FAM204A: variants seen among roughly 807,000 people sequenced by gnomAD.
The protein encoded by FAM204A is protein FAM204A.
Under a neutral mutation model 35.4 loss-of-function variants are expected in FAM204A, and 16 were observed. The ratio of observed to expected loss-of-function variants is 0.45; its 90% confidence interval spans 0.31 to 0.69. FAM204A has a LOEUF of 0.69. Ranked by LOEUF, FAM204A falls within the 30% of genes least tolerant of loss-of-function variation. The pLI, the probability that FAM204A is intolerant of heterozygous loss-of-function variation, is 0.07. For synonymous variants in FAM204A, 76 were observed against 86.9 expected (o/e 0.88, Z 0.70); for missense variants, 240 against 265.7 (o/e 0.90, Z 0.67).
In FAM204A at chr10:118,301,632, G is replaced by A. The variant is rs1002612233; in HGVS notation, c.*9225C>T. Reference sequence around the variant, plus strand: ...GTACTTAGTGCCTTGCTTCCAAGACGTGTAGAAATGCAAGAATTGTCCAGA... The same window carrying A: ...GTACTTAGTGCCTTGCTTCCAAGACATGTAGAAATGCAAGAATTGTCCAGA... On this transcript the variant is annotated 3_prime_UTR_variant, in exon 9 of 9. Transcript: ENST00000369183. 9 of 152,154 alleles carry A rather than the reference G, an allele frequency of 5.9e-5. No individual in the cohort carries two copies. Among genetic ancestry groups the A allele is most frequent in the African/African-American group, 1.4e-4 (6 of 41,432 alleles). The allele number at this position is 152,154 out of a possible 1,614,324, so 9.4% of individuals were successfully genotyped here.
chr10:118,320,934 C>T (rs1846106073), intron 7 of FAM204A, among the ~76,000 whole-genome samples: 1 of 150,784 alleles, frequency 6.6e-6, no homozygotes, highest in South Asian at 2.1e-4. Context: ...GTTTTCAAGG[C>T]CTATTCTCAG....
intron 7 of FAM204A, among the ~76,000 whole-genome samples, chr10:118,323,480 T>C (rs1014516608): frequency 6.6e-6 from 1 of 152,148 alleles, no homozygotes; most frequent in African/African-American, 2.4e-5. Context: ...GTTCTGTTTC[T>C]GATCCAAATG....
At chr10:118,324,378 T>C (rs1377232257) in intron 7 of FAM204A, among the ~76,000 whole-genome samples, 3 of 152,180 alleles carry the variant, frequency 2.0e-5, no homozygotes, top group Non-Finnish European at 4.4e-5. Flanking sequence ...CCAATATTCA[T>C]AGCAGCATTA....
At chr10:118,323,468 A>G (rs1846151107) in intron 7 of FAM204A, among the ~76,000 whole-genome samples, 1 of 152,118 alleles carries the variant, frequency 6.6e-6, no homozygotes, top group African/African-American at 2.4e-5. Context: ...GTTATCTAGA[A>G]GGTTCTGTTT....
At chr10:118,339,803 C>CG (rs2133297002) in intron 2 of FAM204A, among the ~76,000 whole-genome samples, 1 of 152,060 alleles carries the variant, frequency 6.6e-6, no homozygotes, top group African/African-American at 2.4e-5. Context: ...CAATTATCCT[C>CG]AAGACATTCT....
chr10:118,331,802 C>A (rs1846292678), intron 6 of FAM204A, among the ~76,000 whole-genome samples: 1 of 150,068 alleles, frequency 6.7e-6, no homozygotes, highest in Admixed American at 6.7e-5. Context: ...TACTTTCATA[C>A]ATAAATGTAA....
intron 7 of FAM204A, among the ~76,000 whole-genome samples, chr10:118,325,811 T>C (rs1334127816): frequency 6.6e-6 from 1 of 152,168 alleles, no homozygotes; most frequent in African/African-American, 2.4e-5. Flanking sequence ...GAATACACAG[T>C]TGCCCTCAGA....
In FAM204A at chr10:118,305,523, G is replaced by A. The variant is rs538127722; in HGVS notation, c.*5334C>T. 3.2e-4 allele frequency: 48 copies of A among 152,320 alleles called. No individual in the cohort carries two copies. The highest frequency in any genetic ancestry group is 2.9e-3 in the Admixed American group (44 of 15,304). 9.4% of individuals were successfully genotyped at this position (152,320 alleles called of 1,614,324 possible). A position where few individuals can be genotyped will look rare whatever the true frequency, so the allele number is the denominator to read the frequency against. The stretch of plus-strand genomic sequence containing the variant: ...TCAGTCACTAAGCTGATAAGCCACT[G>A]TAGCTGACTGCCTAGCTAGGAAATT... On this transcript the variant is annotated 3_prime_UTR_variant, in exon 9 of 9. Transcript: ENST00000369183.
At chr10:118,339,879 T>C (rs1251974770) in intron 2 of FAM204A, among the ~76,000 whole-genome samples, 1 of 152,200 alleles carries the variant, frequency 6.6e-6, no homozygotes, top group African/African-American at 2.4e-5. Context: ...CTGAAAATAT[T>C]TATATACTGT....
Position 118,317,248 on chromosome 10 carries a change from C to G in FAM204A, c.544-5935G>C, listed in dbSNP as rs41308665. ...AGCTTCAACTACCACCAATTAAGAG[C>G]TAATTACAAACAAATTATATATGTG... On this transcript the variant is annotated intron_variant, in intron 7 of 8. Transcript: ENST00000369183. Among the ~76,000 whole-genome samples, 511 of 152,074 alleles carry G rather than the reference C, an allele frequency of 3.4e-3. 2 individuals carry two copies. The highest frequency in any genetic ancestry group is 5.1e-3 in the Non-Finnish European group (345 of 67,934).
chr10:118,334,381 C>T (rs1846345526), intron 6 of FAM204A, among the ~76,000 whole-genome samples: 1 of 152,176 alleles, frequency 6.6e-6, no homozygotes, highest in South Asian at 2.1e-4. Flanking sequence ...CAAGTATCAT[C>T]AATTTTACTT....
In FAM204A at chr10:118,307,369, C is replaced by T. The variant is rs1373333666; in HGVS notation, c.*3488G>A. On this transcript the variant is annotated 3_prime_UTR_variant, in exon 9 of 9. Transcript: ENST00000369183. ...TGTAAATTTTAAGCCAATGAATAAA[C>T]AGTTGGCAGGAAAAAATATTGAACT... The T allele has an allele frequency of 1.3e-5, 2 of 152,200 alleles. No homozygotes were observed. Among genetic ancestry groups the T allele is most frequent in the African/African-American group, 2.4e-5 (1 of 41,450 alleles). The allele number at this position is 152,200 out of a possible 1,614,324, so 9.4% of individuals were successfully genotyped here. A position where few individuals can be genotyped will look rare whatever the true frequency, so the allele number is the denominator to read the frequency against.
Position 118,307,530 on chromosome 10 carries a change from G to A in FAM204A, c.*3327C>T, listed in dbSNP as rs573540647. 3.3e-5 allele frequency: 5 copies of A among 152,204 alleles called. No individual in the cohort carries two copies. Among genetic ancestry groups the A allele is most frequent in the Middle Eastern group, 3.4e-3 (1 of 294 alleles). The allele number at this position is 152,204 out of a possible 1,614,324, so 9.4% of individuals were successfully genotyped here. ...TCAAAATGAGATCTGACATAACATC[G>A]GCTTGCCTCCTCAAACTTTATCATC... is the stretch of plus-strand genomic sequence containing the variant. On this transcript the variant is annotated 3_prime_UTR_variant, in exon 9 of 9. Transcript: ENST00000369183.
chr10:118,312,851 G>C (rs1018404201), intron 7 of FAM204A, among the ~76,000 whole-genome samples: 2 of 152,178 alleles, frequency 1.3e-5, no homozygotes, highest in African/African-American at 4.8e-5. Flanking sequence ...ACTGTTCTAG[G>C]TGCTGGAGGT....
At position 118,336,320 on chromosome 10, in the gene FAM204A, T is replaced by C. The variant is rs559456091; in HGVS notation, c.96A>G (p.Leu32=). The C allele has an allele frequency of 2.5e-6, 4 of 1,614,038 alleles. No individual in the cohort carries two copies. Among genetic ancestry groups the C allele is most frequent in the African/African-American group, 2.7e-5 (2 of 75,054 alleles). The change falls in exon 3 of 9, where the codon TTA becomes TTG. Residue 32 remains leucine (L), a synonymous_variant. Transcript: ENST00000369183. ...EATLENSGLN[L]QEDKEDESIR... is the part of the protein sequence containing the mutation. ...TGCTCTCATCCTCTTTATCTTCCTGTAAGTTAAGTCCAGAGTTCTCCAACG... is the reference window on the plus strand; with the variant it reads ...TGCTCTCATCCTCTTTATCTTCCTGCAAGTTAAGTCCAGAGTTCTCCAACG...
chr10:118,337,506 A>G (rs992811873), intron 2 of FAM204A, among the ~76,000 whole-genome samples: 1 of 152,174 alleles, frequency 6.6e-6, no homozygotes, highest in Non-Finnish European at 1.5e-5. Flanking sequence ...TTATCTTTTA[A>G]AGACCTCCTT....
At chr10:118,328,325 A>G (rs1458083930) in intron 6 of FAM204A, among the ~76,000 whole-genome samples, 1 of 152,056 alleles carries the variant, frequency 6.6e-6, no homozygotes, top group Non-Finnish European at 1.5e-5. Flanking sequence ...ACCCACAATT[A>G]CCATTATCAA....
chr10:118,323,065 T>C (rs1846143336), intron 7 of FAM204A, among the ~76,000 whole-genome samples: 2 of 152,114 alleles, frequency 1.3e-5, no homozygotes, highest in South Asian at 4.1e-4. Context: ...GGAAACTGAC[T>C]GACTTGGGGG....
chr10:118,339,245 G>A (rs1564765519), intron 2 of FAM204A, among the ~76,000 whole-genome samples: 3 of 152,308 alleles, frequency 2.0e-5, no homozygotes, highest in Admixed American at 6.5e-5. Flanking sequence ...GGAGTTGCCC[G>A]TGTAAGCAGC....
Sources: allele counts gnomAD v4.1 joint callset (sites outside exome capture counted in the v4.1 genomes callset), GRCh38; gene constraint gnomAD v4.1.1; transcripts MANE v1.5; gene names NCBI Gene and HGNC (gene_info 2026-07-23, HGNC 2026-07-21).